The following AP2A2 variants were observed in gnomAD, a reference collection of about 807,000 sequenced individuals.
The protein encoded by AP2A2 is adaptor related protein complex 2 subunit alpha 2.
In AP2A2, 32 loss-of-function variants were observed where a neutral mutation model predicts 104.2. The observed-to-expected ratio is 0.31, with a 90% CI of 0.23 to 0.41. The LOEUF (loss-of-function observed/expected upper bound fraction) is 0.41. AP2A2 is among the 10% of genes least tolerant of loss of function. The pLI is 1.00. For missense variants in AP2A2, 912 were observed against 1,261.0 expected, an observed-to-expected ratio of 0.72 and a Z score of 4.19; for synonymous variants, 539 against 533.3, an observed-to-expected ratio of 1.01 and a Z score of -0.15.
chr11:930,253 C>A (rs1487788629), intron 1 of AP2A2, among the ~76,000 whole-genome samples: 1 of 152,028 alleles, frequency 6.6e-6, no homozygotes, highest in Non-Finnish European at 1.5e-5. Context: ...GGCATTACTC[C>A]TCTTAGCATA....
chr11:996,997 C>A (rs1233623677), intron 14 of AP2A2, among the ~76,000 whole-genome samples: 1 of 151,886 alleles, frequency 6.6e-6, no homozygotes, highest in Non-Finnish European at 1.5e-5. Context: ...CCAATCTGTT[C>A]CCATTGCTCA....
chr11:996,745 C>G (rs558153746), intron 14 of AP2A2, among the ~76,000 whole-genome samples: 2 of 152,308 alleles, frequency 1.3e-5, no homozygotes, highest in South Asian at 2.1e-4. Context: ...AGTGGATTTT[C>G]TGAGTGTGGC....
chr11:996,816 G>A (rs996465558), intron 14 of AP2A2, among the ~76,000 whole-genome samples: 43 of 152,252 alleles, frequency 2.8e-4, no homozygotes, highest in African/African-American at 1.0e-3. Flanking sequence ...GTCTGTGGCC[G>A]AGGCACGCAG....
In AP2A2 at chr11:930,557, G is replaced by C. The variant is rs552341996; in HGVS notation, c.67+4469G>C. On this transcript the variant is annotated intron_variant, in intron 1 of 21. Coordinates refer to ENST00000448903, the MANE Select transcript of AP2A2 (RefSeq NM_012305.4). The stretch of plus-strand genomic sequence containing the variant: ...TTTTTTTGAGACGGAGTTGCGCTCT[G>C]TCGCCCAGGCTGGAGTGCAGTGGCG... 1.3e-4 allele frequency among the ~76,000 whole-genome samples: 19 copies of C among 150,636 alleles called. No homozygotes were observed. The East Asian group carries it at 1.8e-3, about 14-fold the overall frequency.
At position 985,496 on chromosome 11, in the gene AP2A2, A is replaced by G. The variant is rs1855420341; in HGVS notation, c.876A>G (p.Glu292=). ...CLETILNKAQ[E]PPKSKKVQHS... is the part of the protein sequence containing the mutation. The stretch of plus-strand genomic sequence containing the variant: ...AGACCATCCTGAACAAAGCCCAAGA[A>G]CCGCCCAAGTCGAAGAAGGTCCAGC... The change falls in exon 8 of 22, where the codon GAA becomes GAG. Residue 292 remains glutamate (E), a synonymous_variant. Coordinates refer to ENST00000448903, the MANE Select transcript of AP2A2 (RefSeq NM_012305.4). 6.2e-6 allele frequency: 10 copies of G among 1,613,924 alleles called. No individual in the cohort carries two copies. Among genetic ancestry groups the G allele is most frequent in the Non-Finnish European group, 7.6e-6 (9 of 1,179,880 alleles).
chr11:943,012 CT>C (rs1239512618), intron 1 of AP2A2: 1 of 152,232 alleles, frequency 6.6e-6, no homozygotes, highest in Non-Finnish European at 1.5e-5. Context: ...CGTGCTGGGC[CT>C]TGAAGGCTCC....
intron 15 of AP2A2, among the ~76,000 whole-genome samples, chr11:1,001,767 C>T (rs1856037133): frequency 6.6e-6 from 1 of 152,166 alleles, no homozygotes. Flanking sequence ...CGTGGCCCTT[C>T]CCTGCTGGGC....
chr11:999,122 G>A (rs1022850477), intron 14 of AP2A2, among the ~76,000 whole-genome samples: 2 of 152,188 alleles, frequency 1.3e-5, no homozygotes, highest in Non-Finnish European at 2.9e-5. Flanking sequence ...GGAGCCTGCT[G>A]CCCTGTTGGA....
At chr11:991,604 C>G (rs1015160215) in intron 10 of AP2A2, among the ~76,000 whole-genome samples, 3 of 151,808 alleles carry the variant, frequency 2.0e-5, no homozygotes, top group African/African-American at 7.3e-5. Flanking sequence ...CAGCCGTGAG[C>G]TGCGGGTAGG....
Position 1,009,218 on chromosome 11 carries a change from T to C in AP2A2, c.2537+2T>C. 1 of 1,613,214 alleles carries C rather than the reference T, an allele frequency of 6.2e-7. No individual in the cohort carries two copies. The highest frequency in any genetic ancestry group is 8.5e-7 in the Non-Finnish European group (1 of 1,179,372). On this transcript the variant is annotated splice_donor_variant, in intron 19 of 21. Transcript: ENST00000448903. LOFTEE classifies it high-confidence loss of function. ...TCAACGTTGGAAGCAGTTGAGCAAG[T>C]GAGAAACCTGTTTCCTGTAGGGGTC...
rs377212110 is a variant in AP2A2 at position 992,664 on chromosome 11, C to T, written c.1431C>T (p.Tyr477=). Residue 477 remains tyrosine (Y), a synonymous_variant, in exon 11 of 22, where the codon TAC becomes TAT. Transcript: ENST00000448903. This position sits in a 1 kb window ranked among gnomAD's most constrained non-coding sequence, Gnocchi z 6.4. The stretch of plus-strand genomic sequence containing the variant: ...TCAACCGGGACGACGTGCAGGGCTA[C>T]GCGGCCAAGACTGTGTTCGAGGTAT... ...IVINRDDVQG[Y]AAKTVFEALQ... is the part of the protein sequence containing the mutation. 7.1e-5 allele frequency: 114 copies of T among 1,613,906 alleles called. 2 individuals carry two copies. The highest frequency in any genetic ancestry group is 3.3e-4 in the South Asian group (30 of 91,086).
At chr11:941,966 A>G (rs10751668) in intron 1 of AP2A2, among the ~76,000 whole-genome samples, 76,689 of 147,410 alleles carry the variant, frequency 0.52, 20,011 homozygotes, top group Middle Eastern at 0.68. Flanking sequence ...TCGCTCTGTC[A>G]CCCAGGCTGG....
intron 14 of AP2A2, among the ~76,000 whole-genome samples, chr11:999,396 C>T (rs2133765334): frequency 6.6e-6 from 1 of 152,294 alleles, no homozygotes; most frequent in Admixed American, 6.5e-5. Flanking sequence ...CCTGTAATCC[C>T]AGCTACTTGG....
At chr11:960,658 G>A (rs1233238417) in intron 2 of AP2A2, among the ~76,000 whole-genome samples, 8 of 151,698 alleles carry the variant, frequency 5.3e-5, no homozygotes, top group Non-Finnish European at 1.0e-4. Context: ...GATTACAGGC[G>A]TGAGCCACTG....
intron 18 of AP2A2, 169 bp downstream of exon 18, chr11:1,008,304 G>A (rs1157289138): frequency 2.8e-5 from 30 of 1,062,086 alleles, no homozygotes; most frequent in South Asian, 7.3e-5. Flanking sequence ...TCTGCAGAGC[G>A]CAGGAAACAA....
intron 2 of AP2A2, among the ~76,000 whole-genome samples, chr11:965,945 A>G (rs537470318): frequency 2.1e-4 from 32 of 152,266 alleles, no homozygotes; most frequent in African/African-American, 7.7e-4. Context: ...GGCTCAGGTC[A>G]TCCTCCTGCT....
At position 926,013 on chromosome 11, in the gene AP2A2, C is replaced by T. The variant is rs1293048871; in HGVS notation, c.-9C>T. 2.8e-6 allele frequency: 4 copies of T among 1,406,854 alleles called. No homozygotes were observed. Among genetic ancestry groups the T allele is most frequent in the Admixed American group, 2.7e-5 (1 of 36,404 alleles). 87.1% of individuals were successfully genotyped at this position (1,406,854 alleles called of 1,614,324 possible). ...TCCGCCAGCCGAGGCCGCTCCCGAG[C>T]GTCGGAAGATGCCGGCCGTGTCCAA... is the stretch of plus-strand genomic sequence containing the variant. On this transcript the variant is annotated 5_prime_UTR_variant, in exon 1 of 22. Transcript: ENST00000448903.
In AP2A2 at chr11:926,038, A is replaced by G. The variant is rs1237849147; in HGVS notation, c.17A>G (p.Lys6Arg). MPAVS[K>R]GDGMRGLAVF... ...CGTCGGAAGATGCCGGCCGTGTCCA[A>G]GGGGGACGGGATGCGGGGCCTGGCG... The change falls in exon 1 of 22, where the codon AAG becomes AGG. Residue 6 changes from lysine to arginine, a missense_variant. By Grantham distance (26) the Lys-to-Arg change is conservative. This residue lies in a region of AP2A2 where 43 missense variants were observed against 47.0 expected (regional missense o/e 0.91). Coordinates refer to ENST00000448903, the MANE Select transcript of AP2A2 (RefSeq NM_012305.4). The G allele has an allele frequency of 7.2e-7, 1 of 1,393,260 alleles. No homozygotes were observed. The allele number at this position is 1,393,260 out of a possible 1,614,324, so 86.3% of individuals were successfully genotyped here.
At chr11:944,103 C>A (rs959960286) in intron 1 of AP2A2, among the ~76,000 whole-genome samples, 1 of 152,064 alleles carries the variant, frequency 6.6e-6, no homozygotes, top group Non-Finnish European at 1.5e-5. Flanking sequence ...CGGAGATGGC[C>A]GGAATAGAGC....
Sources: allele counts gnomAD v4.1 joint callset (sites outside exome capture counted in the v4.1 genomes callset), GRCh38; gene constraint gnomAD v4.1.1; regional missense constraint gnomAD v4.1.1; non-coding constraint Gnocchi (gnomAD v3.1); transcripts MANE v1.5; gene names NCBI Gene and HGNC (gene_info 2026-07-23, HGNC 2026-07-21).